COLEC10: variants seen among roughly 807,000 people sequenced by gnomAD.
COLEC10 encodes collectin subfamily member 10.
COLEC10 carries 22 observed loss-of-function variants against 28.4 expected under a neutral mutation model. That is an observed-to-expected ratio of 0.78 (90% CI 0.55 to 1.11). The LOEUF (loss-of-function observed/expected upper bound fraction) is 1.11, where lower values mean the gene tolerates loss of function less well. Ranked by LOEUF, COLEC10 falls within the 50% of genes least tolerant of loss-of-function variation. The pLI, the probability that COLEC10 is intolerant of heterozygous loss-of-function variation, is 0.00. For synonymous variants in COLEC10, 125 were observed against 116.1 expected (o/e 1.08, Z -0.49); for missense variants, 361 against 344.1 (o/e 1.05, Z -0.39).
At chr8:119,092,796 C>A (rs1406335900) in intron 3 of COLEC10, among the ~76,000 whole-genome samples, 1 of 152,046 alleles carries the variant, frequency 6.6e-6, no homozygotes, top group Admixed American at 6.6e-5. Flanking sequence ...ATCCCCACTA[C>A]TGGGGAGGCT....
At chr8:119,028,606 C>T (rs971421018) in intron 2 of COLEC10, among the ~76,000 whole-genome samples, 4 of 152,158 alleles carry the variant, frequency 2.6e-5, no homozygotes, top group Non-Finnish European at 4.4e-5. Flanking sequence ...CAATCACCTC[C>T]CCCTGAGTCC....
intron 1 of COLEC10, among the ~76,000 whole-genome samples, chr8:119,008,915 C>T (rs1813856204): frequency 6.6e-6 from 1 of 151,070 alleles, no homozygotes; most frequent in Non-Finnish European, 1.5e-5. Context: ...ACATAACAGG[C>T]ACCCAATAGC....
intron 2 of COLEC10, among the ~76,000 whole-genome samples, chr8:119,061,624 T>A (rs1193926682): frequency 6.6e-6 from 1 of 151,988 alleles, no homozygotes; most frequent in African/African-American, 2.4e-5. Flanking sequence ...CCAGCCAAAA[T>A]ATCACATAAT....
chr8:119,084,079 A>G (rs924845630), intron 1 of COLEC10, among the ~76,000 whole-genome samples: 6 of 152,186 alleles, frequency 3.9e-5, no homozygotes, highest in African/African-American at 1.4e-4. Flanking sequence ...AAAGACATAC[A>G]AAGAAAGCTT....
chr8:119,053,134 A>G (rs902591215), intron 2 of COLEC10, among the ~76,000 whole-genome samples: 2 of 152,162 alleles, frequency 1.3e-5, no homozygotes, highest in Middle Eastern at 3.4e-3. Context: ...TATCCTCAAC[A>G]CTTCAGTGGA....
At chr8:118,983,287 T>G in the COLEC10 span, among the ~76,000 whole-genome samples, 1 of 152,326 alleles carries the variant, frequency 6.6e-6, no homozygotes, top group East Asian at 1.9e-4. Context: ...GTATAGATTT[T>G]TACTCCTTTT....
intron 1 of COLEC10, among the ~76,000 whole-genome samples, chr8:119,081,542 T>G (rs1377822665): frequency 6.6e-6 from 1 of 152,170 alleles, no homozygotes; most frequent in Non-Finnish European, 1.5e-5. Flanking sequence ...TTTAGATTCT[T>G]CTCTAAACAG....
the COLEC10 span, among the ~76,000 whole-genome samples, chr8:118,966,485 A>G: frequency 6.6e-6 from 1 of 152,150 alleles, no homozygotes; most frequent in African/African-American, 2.4e-5. Context: ...GAAGTAATGC[A>G]AGGAGATTTC....
intron 2 of COLEC10, among the ~76,000 whole-genome samples, chr8:119,060,340 C>A (rs555629583): frequency 2.6e-5 from 4 of 152,092 alleles, no homozygotes; most frequent in Non-Finnish European, 5.9e-5. Context: ...GTTGATAATA[C>A]ACCAGAAATT....
intron 3 of COLEC10, among the ~76,000 whole-genome samples, chr8:119,100,690 C>T (rs932282566): frequency 1.3e-5 from 2 of 152,200 alleles, no homozygotes; most frequent in African/African-American, 4.8e-5. Context: ...AGCACTATCT[C>T]TTCTGCCTTC....
At chr8:119,060,589 ACAG>A (rs1450386025) in intron 2 of COLEC10, among the ~76,000 whole-genome samples, 5 of 152,138 alleles carry the variant, frequency 3.3e-5, no homozygotes, top group African/African-American at 4.8e-5. Context: ...GAAAGTAAGA[ACAG>A]TGAGTTTCTT....
the COLEC10 span, among the ~76,000 whole-genome samples, chr8:118,966,361 G>A: frequency 6.6e-6 from 1 of 152,030 alleles, no homozygotes; most frequent in African/African-American, 2.4e-5. Context: ...AAACAAAACA[G>A]AAAGCTGTGA....
In COLEC10 at chr8:119,012,794, C is replaced by T. The variant is rs1192948691; in HGVS notation, n.235+3241C>T. On this transcript the variant is annotated intron_variant and non_coding_transcript_variant, in intron 2 of 6. Transcript: ENST00000521788. ...TATTATTTTCTTTCCTTTTAATATC[C>T]ATTGGATCTGTAGTGATGTTCCTTT... is the stretch of plus-strand genomic sequence containing the variant. 3.3e-5 allele frequency among the ~76,000 whole-genome samples: 5 copies of T among 150,050 alleles called. 1 individual carries two copies. Among genetic ancestry groups the T allele is most frequent in the African/African-American group, 1.2e-4 (5 of 40,062 alleles).
intron 2 of COLEC10, among the ~76,000 whole-genome samples, chr8:119,016,651 G>C (rs1448585185): frequency 6.6e-6 from 1 of 151,836 alleles, no homozygotes; most frequent in East Asian, 1.9e-4. Context: ...CAGTGTAAAA[G>C]CATTTCTATT....
At chr8:118,967,416 A>G in the COLEC10 span, among the ~76,000 whole-genome samples, 1 of 152,106 alleles carries the variant, frequency 6.6e-6, no homozygotes, top group East Asian at 1.9e-4. Context: ...AATGCTTAGG[A>G]TACAAATGCC....
chr8:118,983,618 A>G, the COLEC10 span, among the ~76,000 whole-genome samples: 1 of 152,132 alleles, frequency 6.6e-6, no homozygotes, highest in Admixed American at 6.6e-5. Context: ...CAGAATCTAT[A>G]AAGAATTTAA....
At chr8:119,031,985 G>A (rs559700389) in intron 2 of COLEC10, among the ~76,000 whole-genome samples, 1 of 152,212 alleles carries the variant, frequency 6.6e-6, no homozygotes, top group Non-Finnish European at 1.5e-5. Context: ...TTTCATTTAA[G>A]CTTCACCAAA....
intron 1 of COLEC10, among the ~76,000 whole-genome samples, chr8:119,006,185 G>C (rs1016342599): frequency 8.5e-5 from 13 of 152,160 alleles, no homozygotes; most frequent in African/African-American, 3.1e-4. Context: ...TGCTCAGGAG[G>C]GAATGTTGTG....
chr8:118,989,876 C>A, the COLEC10 span, among the ~76,000 whole-genome samples: 1 of 152,056 alleles, frequency 6.6e-6, no homozygotes. Flanking sequence ...ATCATGCTTA[C>A]CAGTTTAACA....
Sources: allele counts gnomAD v4.1 joint callset (sites outside exome capture counted in the v4.1 genomes callset), GRCh38; gene constraint gnomAD v4.1.1; transcripts MANE v1.5; gene names NCBI Gene and HGNC (gene_info 2026-07-23, HGNC 2026-07-21).